Variants in DIDO1 observed in about 807,000 individuals in gnomAD.
DIDO1 encodes death inducer-obliterator 1.
In DIDO1, 16 loss-of-function variants were observed where a neutral mutation model predicts 99.4. The ratio of observed to expected loss-of-function variants is 0.16; its 90% CI spans 0.11 to 0.24. The LOEUF (loss-of-function observed/expected upper bound fraction) is 0.24, where lower values mean the gene tolerates loss of function less well. DIDO1 is among the 10% of genes least tolerant of loss of function. The probability of loss-of-function intolerance (pLI) is 1.00; values close to 1 mark genes in which losing one functional copy is unlikely to be tolerated. For synonymous variants in DIDO1, 1,366 were observed against 1,239.1 expected, an observed-to-expected ratio of 1.10 and a Z score of -2.15; for missense variants, 2,996 against 3,014.0, an observed-to-expected ratio of 0.99 and a Z score of 0.14.
Position 62,888,485 on chromosome 20 carries a change from G to T in DIDO1, c.3541+2475C>A, listed in dbSNP as rs3746768. ...CTGCAGACCCTCACCCAGCACTTCT[G>T]GGGGCGTGACTCCAAGCTGCGCAGC... On this transcript the variant is annotated intron_variant, in intron 15 of 15. Coordinates refer to ENST00000395343, the MANE Select transcript of DIDO1 (RefSeq NM_001193369.2). 368 of 985,494 alleles carry T rather than the reference G, an allele frequency of 3.7e-4. 5 individuals are homozygous for T. In the East Asian group the frequency reaches 0.029, roughly 79 times the overall value. The allele number at this position is 985,494 out of a possible 1,614,324, so 61.0% of individuals were successfully genotyped here. A position where few individuals can be genotyped will look rare whatever the true frequency, so the allele number is the denominator to read the frequency against.
intron 15 of DIDO1, chr20:62,889,123 G>C: frequency 1.0e-6 from 1 of 985,534 alleles, no homozygotes; most frequent in Non-Finnish European, 1.2e-6. Flanking sequence ...AGTGTGGGTG[G>C]TTGGTGCCAT....
At chr20:62,897,148 G>C (rs935722386) in intron 6 of DIDO1, 152 bp from the exon 7 acceptor site, 2 of 723,494 alleles carry the variant, frequency 2.8e-6, no homozygotes, top group African/African-American at 3.6e-5. Context: ...TAAAATGTTA[G>C]TGTTCAGAGG....
intron 4 of DIDO1, among the ~76,000 whole-genome samples, chr20:62,908,922 A>T (rs2064865378): frequency 6.6e-6 from 1 of 152,260 alleles, no homozygotes; most frequent in South Asian, 2.1e-4. Context: ...TTTCTCATGA[A>T]TTCCCATCTC....
intron 6 of DIDO1, 129 bp downstream of exon 6, chr20:62,905,758 G>C (rs1006696137): frequency 6.2e-7 from 1 of 1,608,208 alleles, no homozygotes. Context: ...GCTTCCCGCT[G>C]ATGGTGCAGC....
rs748268021 is a variant in DIDO1 at position 62,880,696 on chromosome 20, G to A, written c.5260C>T (p.Arg1754Trp). The A allele has an allele frequency of 1.5e-5, 24 of 1,612,598 alleles. No individual in the cohort carries two copies. The highest frequency in any genetic ancestry group is 1.9e-5 in the Non-Finnish European group (23 of 1,179,924). Residue 1754 changes from arginine to tryptophan, a missense_variant, in exon 16 of 16, where the codon CGG becomes TGG. By Grantham distance (101) the Arg-to-Trp change is moderately radical. Coordinates refer to ENST00000395343, the MANE Select transcript of DIDO1 (RefSeq NM_001193369.2). ...GGSQPPFQGQ[R>W]EPGPHALGMS... is the part of the protein sequence containing the mutation. The stretch of plus-strand genomic sequence containing the variant: ...CCCAAAGCATGAGGTCCAGGTTCCC[G>A]CTGACCCTGAAACGGGGGCTGAGAG...
rs375898697 is a variant in DIDO1 at position 62,881,314 on chromosome 20, G to A, written c.4642C>T (p.Leu1548=). 2.8e-5 allele frequency: 45 copies of A among 1,604,594 alleles called. No homozygotes were observed. Among genetic ancestry groups the A allele is most frequent in the Non-Finnish European group, 3.4e-5 (40 of 1,179,924 alleles). Residue 1548 remains leucine (L), a synonymous_variant, in exon 16 of 16, where the codon CTG becomes TTG. Coordinates refer to ENST00000395343, the MANE Select transcript of DIDO1 (RefSeq NM_001193369.2). The surrounding 1 kb of genome is among the most constrained non-coding windows in gnomAD (Gnocchi z 8.3). ...EQQSADKPAS[L]PPASQASNHR... The stretch of plus-strand genomic sequence containing the variant: ...TTTGACGCCTGGCTGGCGGGGGGCA[G>A]TGAGGCGGGCTTGTCTGCAGACTGC...
intron 1 of DIDO1, among the ~76,000 whole-genome samples, chr20:62,932,004 A>AG (rs2065336675): frequency 1.3e-5 from 2 of 152,246 alleles, no homozygotes; most frequent in South Asian, 4.1e-4. Context: ...ACAAAGACTG[A>AG]GGTATTAGCA....
intron 15 of DIDO1, chr20:62,887,275 ATT>A (rs2064311421): frequency 1.0e-6 from 1 of 985,364 alleles, no homozygotes; most frequent in South Asian, 4.7e-5. Context: ...TCAATACTGT[ATT>A]TGACTCTGAT....
chr20:62,890,956 T>C lies in DIDO1; in HGVS notation c.3541+4A>G. On this transcript the variant is annotated splice_donor_region_variant and intron_variant, in intron 15 of 15. Transcript: ENST00000395343. Reference sequence around the variant, plus strand: ...TCACCTCCACCCAGAAAGCCGGCGCTTACCTGGTCCCTCAAAGGGCAAGAG... The same window carrying C: ...TCACCTCCACCCAGAAAGCCGGCGCCTACCTGGTCCCTCAAAGGGCAAGAG... 2 of 1,613,710 alleles carry C rather than the reference T, an allele frequency of 1.2e-6. No individual in the cohort carries two copies. The highest frequency in any genetic ancestry group is 1.7e-6 in the Non-Finnish European group (2 of 1,180,020).
chr20:62,880,740 G>A lies in DIDO1; in HGVS notation c.5216C>T (p.Pro1739Leu). ...PGEGTAPLPP[P>L]GQKVGGSQPP... ...CTGAGAGCCCCCCACTTTCTGTCCT[G>A]GTGGGGGGAGCGGGGCGGTGCCCTC... Residue 1739 changes from proline to leucine, a missense_variant, in exon 16 of 16, where the codon CCA (proline) becomes CTA (leucine). This residue lies in a region of DIDO1 where 1,562 missense variants were observed against 1,412.6 expected (regional missense o/e 1.11). Transcript: ENST00000395343. The A allele has an allele frequency of 3.7e-6, 6 of 1,612,726 alleles. No individual in the cohort carries two copies. The highest frequency in any genetic ancestry group is 3.4e-6 in the Non-Finnish European group (4 of 1,179,894).
At position 62,878,042 on chromosome 20, in the gene DIDO1, C is replaced by CA. The variant is rs2064137208; in HGVS notation, c.*1190dup. 6.6e-6 allele frequency: 1 copy of CA among 152,156 alleles called. No individual in the cohort carries two copies. Among genetic ancestry groups the CA allele is most frequent in the Non-Finnish European group, 1.5e-5 (1 of 68,034 alleles). The allele number at this position is 152,156 out of a possible 1,614,324, so 9.4% of individuals were successfully genotyped here. A position where few individuals can be genotyped will look rare whatever the true frequency, so the allele number is the denominator to read the frequency against. The stretch of plus-strand genomic sequence containing the variant: ...CAAACATCTCAAACTGATACATTCT[C>CA]AATGTTTTCTTAACTTAAAAAATCT... On this transcript the variant is annotated 3_prime_UTR_variant, in exon 16 of 16. Transcript: ENST00000395343.
chr20:62,888,429 G>A, intron 15 of DIDO1: 1 of 985,532 alleles, frequency 1.0e-6, no homozygotes, highest in Non-Finnish European at 1.2e-6. Flanking sequence ...ATGTGCCGCA[G>A]AGAACTGAGG....
upstream of DIDO1, among the ~76,000 whole-genome samples, chr20:62,927,884 TGTGA>T (rs778194094): frequency 1.9e-3 from 284 of 152,248 alleles, no homozygotes; most frequent in Non-Finnish European, 2.8e-3. Context: ...CCATCTTGAG[TGTGA>T]TCTCAGGTTG....
At chr20:62,926,077 C>A (rs2065247388) in intron 1 of DIDO1, among the ~76,000 whole-genome samples, 1 of 152,086 alleles carries the variant, frequency 6.6e-6, no homozygotes, top group Admixed American at 6.5e-5. Flanking sequence ...CCGGGCCGCA[C>A]TCGCCCAGGC....
intron 5 of DIDO1, 26 bp downstream of exon 5, chr20:62,907,121 T>C (rs2064824531): frequency 6.2e-7 from 1 of 1,612,456 alleles, no homozygotes. Context: ...GTCCACTGCC[T>C]GGGCGGCTGG....
In DIDO1 at chr20:62,893,856, C is replaced by T. The variant is rs200551983; in HGVS notation, c.2911G>A (p.Ala971Thr). ...ACGGCTGTGCATGAACTGCTTGGAGCGGTCCTGGGGTCCCGGCCGGACACT... is the reference window on the plus strand; with the variant it reads ...ACGGCTGTGCATGAACTGCTTGGAGTGGTCCTGGGGTCCCGGCCGGACACT... ...VTVSGRDPRT[A>T]PSSSCTAVAS... The change falls in exon 12 of 16, where the codon GCT becomes ACT. Residue 971 changes from alanine to threonine, a missense_variant. This residue lies in a region of DIDO1 where 898 missense variants were observed against 972.7 expected (regional missense o/e 0.92). Transcript: ENST00000395343. 41 of 1,613,624 alleles carry T rather than the reference C, an allele frequency of 2.5e-5. No homozygotes were observed. The highest frequency in any genetic ancestry group is 1.8e-4 in the East Asian group (8 of 44,882).
chr20:62,932,436 T>C (rs1212865402), intron 1 of DIDO1, among the ~76,000 whole-genome samples: 2 of 152,268 alleles, frequency 1.3e-5, no homozygotes, highest in East Asian at 3.8e-4. Flanking sequence ...CATATATTTT[T>C]TGTTAATTTT....
chr20:62,889,164 G>A (rs2064348910), intron 15 of DIDO1: 5 of 985,566 alleles, frequency 5.1e-6, no homozygotes, highest in Non-Finnish European at 4.8e-6. Flanking sequence ...AGTGACCCCA[G>A]CCCAGCCCTC....
Position 62,906,111 on chromosome 20 carries a change from A to T in DIDO1, c.1375-11T>A. The T allele has an allele frequency of 6.2e-7, 1 of 1,600,284 alleles. No homozygotes were observed. Among genetic ancestry groups the T allele is most frequent in the Non-Finnish European group, 8.5e-7 (1 of 1,173,138 alleles). On this transcript the variant is annotated splice_polypyrimidine_tract_variant and intron_variant, in intron 5 of 15. Coordinates refer to ENST00000395343, the MANE Select transcript of DIDO1 (RefSeq NM_001193369.2). Reference sequence around the variant, plus strand: ...GATTTTAATACCTGCCTGGATAATCAGTAAAACCCCAAATCATTAAAAAGG... The same window carrying T: ...GATTTTAATACCTGCCTGGATAATCTGTAAAACCCCAAATCATTAAAAAGG...
Sources: gnomAD v4.1 joint callset for allele counts (sites outside exome capture counted in the v4.1 genomes callset) on GRCh38, gnomAD v4.1.1 for gene constraint, gnomAD v4.1.1 regional missense constraint, Gnocchi (gnomAD v3.1) non-coding constraint, MANE v1.5 for transcripts, NCBI Gene and HGNC (gene_info 2026-07-23, HGNC 2026-07-21) for gene names.